The following TNS1 variants were observed in gnomAD, a reference collection of about 807,000 sequenced individuals.
TNS1 encodes tensin-1.
TNS1 carries 62 observed loss-of-function variants against 168.6 expected under a neutral mutation model. The ratio of observed to expected loss-of-function variants is 0.37; its 90% CI spans 0.30 to 0.45. The LOEUF (loss-of-function observed/expected upper bound fraction) is 0.45. Among genes scored for constraint, TNS1 ranks in the 20% least tolerant of loss-of-function variants. The pLI is 1.00. For synonymous variants in TNS1, 934 were observed against 933.2 expected (o/e 1.00, Z -0.02); for missense variants, 2,240 against 2,339.4 (o/e 0.96, Z 0.88).
chr2:217,944,473 G>T (rs149710717), intron 3 of TNS1, among the ~76,000 whole-genome samples: 2 of 152,370 alleles, frequency 1.3e-5, no homozygotes, highest in Admixed American at 1.3e-4. Flanking sequence ...CTGAGATGGT[G>T]ATGATGATAA....
intron 1 of TNS1, among the ~76,000 whole-genome samples, chr2:217,994,755 C>T (rs4674234): frequency 0.24 from 36,659 of 152,100 alleles, 4,850 homozygotes; most frequent in East Asian, 0.44. Context: ...CCCCCTGGGG[C>T]CTGGAGGGCA....
intron 18 of TNS1, among the ~76,000 whole-genome samples, chr2:217,868,215 AAGG>A (rs1949455573): frequency 6.6e-6 from 1 of 152,214 alleles, no homozygotes; most frequent in Non-Finnish European, 1.5e-5. Flanking sequence ...GCATGGACTT[AAGG>A]TTAGGCCTAT....
At position 217,900,595 on chromosome 2, in the gene TNS1, G is replaced by A. The variant is rs964398761; in HGVS notation, c.322-83C>T. ...GCACACCAGAGAGCTGTCCACGGGG[G>A]CAAACATGATCCTCTTCTTTCCTTG... On this transcript the variant is annotated intron_variant, in intron 6 of 32. Coordinates refer to ENST00000682258, the MANE Select transcript of TNS1 (RefSeq NM_001387777.1). 5.1e-6 allele frequency: 7 copies of A among 1,359,512 alleles called. No homozygotes were observed. The African/African-American group carries it at 1.0e-4, about 20-fold the overall frequency. The allele number at this position is 1,359,512 out of a possible 1,614,324, so 84.2% of individuals were successfully genotyped here. A position where few individuals can be genotyped will look rare whatever the true frequency, so the allele number is the denominator to read the frequency against.
At chr2:217,981,835 A>G (rs1958057981) in intron 2 of TNS1, among the ~76,000 whole-genome samples, 1 of 152,176 alleles carries the variant, frequency 6.6e-6, no homozygotes, top group Non-Finnish European at 1.5e-5. Flanking sequence ...TGGGCCTGTC[A>G]ATCTGCTGGC....
At chr2:217,928,688 C>G (rs1257558907) in intron 3 of TNS1, among the ~76,000 whole-genome samples, 3 of 151,880 alleles carry the variant, frequency 2.0e-5, no homozygotes, top group Non-Finnish European at 4.4e-5. Flanking sequence ...CCAGGCCCCA[C>G]CCCTCCCCAA....
chr2:218,000,372 G>C (rs112239215), intron 1 of TNS1, among the ~76,000 whole-genome samples: 6,995 of 152,266 alleles, frequency 0.046, 497 homozygotes, highest in African/African-American at 0.15. Flanking sequence ...TCCCTGGGCA[G>C]TCAGCCCAGG....
intron 18 of TNS1, among the ~76,000 whole-genome samples, chr2:217,855,704 T>C (rs1320467394): frequency 2.6e-5 from 4 of 152,184 alleles, no homozygotes; most frequent in Non-Finnish European, 5.9e-5. Flanking sequence ...AGAGTGCTTG[T>C]TCCATAAATG....
intron 21 of TNS1, among the ~76,000 whole-genome samples, chr2:217,833,656 G>A (rs1384095500): frequency 2.6e-5 from 4 of 152,240 alleles, no homozygotes; most frequent in Admixed American, 6.5e-5. Flanking sequence ...TGGCTCTCAC[G>A]TAACCTGCTC....
At chr2:217,861,476 C>G (rs1160587311) in intron 18 of TNS1, among the ~76,000 whole-genome samples, 1 of 152,230 alleles carries the variant, frequency 6.6e-6, no homozygotes, top group Non-Finnish European at 1.5e-5. Flanking sequence ...AGAGGCACAA[C>G]AGGCCTGTCA....
At chr2:217,889,424 GT>G (rs910754064) in intron 12 of TNS1, among the ~76,000 whole-genome samples, 21 of 152,348 alleles carry the variant, frequency 1.4e-4, no homozygotes, top group African/African-American at 5.0e-4. Flanking sequence ...CCAGGCCCTT[GT>G]TGGCCCAGTC....
chr2:217,852,342 C>T (rs1349422495), intron 18 of TNS1, among the ~76,000 whole-genome samples: 3 of 152,104 alleles, frequency 2.0e-5, no homozygotes, highest in African/African-American at 7.2e-5. Context: ...CCAGGGCACC[C>T]CCTCTGCCAC....
At chr2:217,853,011 G>T (rs769667596) in intron 18 of TNS1, among the ~76,000 whole-genome samples, 1 of 152,042 alleles carries the variant, frequency 6.6e-6, no homozygotes, top group South Asian at 2.1e-4. Context: ...ATAGCAGCAG[G>T]ATCTGTGGAG....
intron 3 of TNS1, among the ~76,000 whole-genome samples, chr2:217,970,149 G>A (rs776319195): frequency 2.0e-5 from 3 of 152,210 alleles, no homozygotes; most frequent in East Asian, 1.9e-4. Flanking sequence ...CCAGAAGCTG[G>A]AAAGAGGCAA....
chr2:217,804,874 G>C (rs895080739), intron 32 of TNS1, among the ~76,000 whole-genome samples: 1 of 152,142 alleles, frequency 6.6e-6, no homozygotes, highest in Non-Finnish European at 1.5e-5. Flanking sequence ...GCAGAGGATT[G>C]ACAAGGCTGG....
intron 3 of TNS1, among the ~76,000 whole-genome samples, chr2:217,934,453 C>T (rs765180315): frequency 6.6e-6 from 1 of 152,172 alleles, no homozygotes; most frequent in Non-Finnish European, 1.5e-5. Flanking sequence ...GCCACCTACC[C>T]AGTGGAGACA....
At chr2:217,987,735 T>C (rs541688612) in intron 2 of TNS1, among the ~76,000 whole-genome samples, 5 of 152,296 alleles carry the variant, frequency 3.3e-5, no homozygotes, top group Middle Eastern at 3.4e-3. Flanking sequence ...TGCCATGTTG[T>C]AGCCAAGACT....
intron 18 of TNS1, among the ~76,000 whole-genome samples, chr2:217,872,940 A>G (rs1046719055): frequency 1.3e-5 from 2 of 152,232 alleles, no homozygotes; most frequent in African/African-American, 2.4e-5. Context: ...GACACAAAAG[A>G]CCACATATTG....
chr2:217,985,396 C>A (rs1437346815), intron 2 of TNS1: 1 of 151,722 alleles, frequency 6.6e-6, no homozygotes, highest in Non-Finnish European at 1.5e-5. Flanking sequence ...GCTGTTTGTC[C>A]CATTTATTTT....
chr2:217,927,023 G>A (rs60934259), intron 3 of TNS1, among the ~76,000 whole-genome samples: 47 of 152,328 alleles, frequency 3.1e-4, no homozygotes, highest in African/African-American at 1.1e-3. Context: ...GCCTGGCATG[G>A]AGGATGCATT....
Sources: gnomAD v4.1 joint callset for allele counts (sites outside exome capture counted in the v4.1 genomes callset) on GRCh38, gnomAD v4.1.1 for gene constraint, MANE v1.5 for transcripts, NCBI Gene and HGNC (gene_info 2026-07-23, HGNC 2026-07-21) for gene names.